Variants in GALNT3 observed in about 807,000 individuals in gnomAD.
GALNT3 encodes polypeptide N-acetylgalactosaminyltransferase 3, also known as GalNAc transferase 3.
Under a neutral mutation model 69.8 loss-of-function variants are expected in GALNT3, and 51 were observed. The observed-to-expected ratio is 0.73, with a 90% confidence interval of 0.58 to 0.92. The LOEUF (loss-of-function observed/expected upper bound fraction) is 0.92. Among genes scored for constraint, GALNT3 ranks in the 40% least tolerant of loss-of-function variants. The pLI, the probability that GALNT3 is intolerant of heterozygous loss-of-function variation, is 0.00. For missense variants in GALNT3, 711 were observed against 760.0 expected (o/e 0.94, Z 0.76); for synonymous variants, 265 against 248.5 (o/e 1.07, Z -0.63).
intron 1 of GALNT3, among the ~76,000 whole-genome samples, chr2:165,788,505 G>A (rs1193454177): frequency 1.4e-5 from 2 of 147,802 alleles, no homozygotes; most frequent in African/African-American, 5.0e-5. Context: ...GTGTGTGTGT[G>A]TATACAGACA....
At chr2:165,765,591 G>GC (rs1486963156) in intron 2 of GALNT3, among the ~76,000 whole-genome samples, 18 of 151,736 alleles carry the variant, frequency 1.2e-4, no homozygotes, top group African/African-American at 3.9e-4. Flanking sequence ...CCAGGTTCAC[G>GC]CATTTCTCCT....
At chr2:165,761,073 G>A (rs11904090) in intron 4 of GALNT3, among the ~76,000 whole-genome samples, 3,524 of 150,378 alleles carry the variant, frequency 0.023, 92 homozygotes, top group African/African-American at 0.07. Context: ...GGTTTTTATT[G>A]AAAATTCGCA....
At position 165,754,714 on chromosome 2, in the gene GALNT3, A is replaced by C. The variant is rs1387249739; in HGVS notation, c.1539T>G (p.Gly513=). Residue 513 remains glycine (G), a synonymous_variant, in exon 9 of 11, where the codon GGT becomes GGG. Coordinates refer to ENST00000392701, the MANE Select transcript of GALNT3 (RefSeq NM_004482.4). ...PVISGYIKSV[G]QPLCLDVGEN... is the part of the protein sequence containing the mutation. ...CTCCAACATCCAGACATAGAGGCTG[A>C]CCAACGCTTTTAATCTAAAGGAAAA... 1 of 1,612,300 alleles carries C rather than the reference A, an allele frequency of 6.2e-7. No individual in the cohort carries two copies. Among genetic ancestry groups the C allele is most frequent in the East Asian group, 2.2e-5 (1 of 44,810 alleles).
At chr2:165,774,683 T>A (rs1688813503) in intron 1 of GALNT3, among the ~76,000 whole-genome samples, 1 of 152,084 alleles carries the variant, frequency 6.6e-6, no homozygotes, top group Non-Finnish European at 1.5e-5. Flanking sequence ...ATCTTATTCA[T>A]GGCTGTTTTT....
At chr2:165,768,137 G>A (rs751289688) in intron 2 of GALNT3, among the ~76,000 whole-genome samples, 3 of 151,964 alleles carry the variant, frequency 2.0e-5, no homozygotes, top group African/African-American at 7.2e-5. Context: ...AGGCCAAGGC[G>A]GGCAGATCAC....
rs1688292607 is a variant in GALNT3, at chr2:165,748,133, A to C, written c.*648T>G. 1 of 185,912 alleles carries C rather than the reference A, an allele frequency of 5.4e-6. No individual in the cohort carries two copies. The allele number at this position is 185,912 out of a possible 1,614,324, so 11.5% of individuals were successfully genotyped here. A position where few individuals can be genotyped will look rare whatever the true frequency, so the allele number is the denominator to read the frequency against. The stretch of plus-strand genomic sequence containing the variant: ...AAGAAAAGTCATTTAAGGAAGACTT[A>C]AGTGCTTCAAGTGGAGTGTATTACA... On this transcript the variant is annotated 3_prime_UTR_variant, in exon 11 of 11. Coordinates refer to ENST00000392701, the MANE Select transcript of GALNT3 (RefSeq NM_004482.4).
In GALNT3 at chr2:165,770,527, G is replaced by A. The variant is rs1326784079; in HGVS notation, c.174C>T (p.Asn58=). 1.9e-6 allele frequency: 3 copies of A among 1,613,830 alleles called. No homozygotes were observed. Among genetic ancestry groups the A allele is most frequent in the Admixed American group, 1.7e-5 (1 of 59,972 alleles). Residue 58 remains asparagine (N), a synonymous_variant, in exon 2 of 11, where the codon AAC becomes AAT. Coordinates refer to ENST00000392701, the MANE Select transcript of GALNT3 (RefSeq NM_004482.4). ...EESRMERNMK[N]KNKMLDLMLE... is the part of the protein sequence containing the mutation. ...GCATTAAATCCAACATCTTGTTTTT[G>A]TTTTTCATGTTCCTTTCCATCCTTG...
At chr2:165,789,153 G>T (rs187118371) in intron 1 of GALNT3, among the ~76,000 whole-genome samples, 3 of 152,260 alleles carry the variant, frequency 2.0e-5, no homozygotes, top group Non-Finnish European at 2.9e-5. Flanking sequence ...ACCTTAGACT[G>T]GGTAATTTAA....
At chr2:165,775,047 G>A (rs1052457202) in intron 1 of GALNT3, among the ~76,000 whole-genome samples, 2 of 150,990 alleles carry the variant, frequency 1.3e-5, no homozygotes, top group Middle Eastern at 3.2e-3. Context: ...GAGCTACTGC[G>A]CCTAGCCTTT....
intron 9 of GALNT3, among the ~76,000 whole-genome samples, chr2:165,751,322 G>A (rs1026428068): frequency 2.0e-5 from 3 of 152,008 alleles, no homozygotes; most frequent in Non-Finnish European, 2.9e-5. Flanking sequence ...CATATATCTT[G>A]AGTTTCCCTA....
intron 9 of GALNT3, among the ~76,000 whole-genome samples, chr2:165,751,797 T>C (rs1573994694): frequency 6.6e-6 from 1 of 152,280 alleles, no homozygotes; most frequent in South Asian, 2.1e-4. Flanking sequence ...AAAAATATTA[T>C]CTGATCAAAA....
intron 2 of GALNT3, among the ~76,000 whole-genome samples, chr2:165,765,779 C>T (rs190139308): frequency 3.3e-5 from 5 of 152,186 alleles, no homozygotes; most frequent in South Asian, 4.2e-4. Context: ...TGTGCCACTG[C>T]GCCCACAATA....
rs763561688 is a variant in GALNT3 at position 165,770,689 on chromosome 2, T to A, written c.12A>T (p.Leu4=). The part of the protein sequence containing the change: MAH[L]KRLVKLHIKR... ...TAATGTGTAATTTTACTAGTCGCTT[T>A]AGGTGAGCCATTCTGACATTAAAAG... The change falls in exon 2 of 11, where the codon CTA becomes CTT. Residue 4 remains leucine (L), a synonymous_variant. Coordinates refer to ENST00000392701, the MANE Select transcript of GALNT3 (RefSeq NM_004482.4). The A allele has an allele frequency of 1.2e-6, 2 of 1,603,834 alleles. No homozygotes were observed. The highest frequency in any genetic ancestry group is 2.2e-5 in the South Asian group (2 of 90,384).
rs547135025 is a variant in GALNT3, at chr2:165,751,427, C to A, written c.1627-1533G>T. Among the ~76,000 whole-genome samples, 3 of 152,042 alleles carry A rather than the reference C, an allele frequency of 2.0e-5. No homozygotes were observed. The East Asian group carries it at 5.8e-4, about 29-fold the overall frequency. On this transcript the variant is annotated intron_variant, in intron 9 of 10. Transcript: ENST00000392701. ...CTTCAGATGGAAACACAGGAAGAAA[C>A]TGAGTTTAGATGATGAAAATAGCAT... is the stretch of plus-strand genomic sequence containing the variant.
chr2:165,772,234 T>C lies in GALNT3; in HGVS notation c.-108-1426A>G, dbSNP rs183296233. 7.0e-4 allele frequency among the ~76,000 whole-genome samples: 107 copies of C among 152,158 alleles called. 2 individuals carry two copies. Among genetic ancestry groups the C allele is most frequent in the Admixed American group, 4.7e-3 (71 of 15,266 alleles). ...ACCTTCAAGAAGCAGAATTGAAATA[T>C]AGGAAGCCAGAGGACAGTCACAAAG... On this transcript the variant is annotated intron_variant, in intron 1 of 10. Coordinates refer to ENST00000392701, the MANE Select transcript of GALNT3 (RefSeq NM_004482.4).
chr2:165,771,774 T>C (rs910020523), intron 1 of GALNT3: 2 of 152,218 alleles, frequency 1.3e-5, no homozygotes, highest in Admixed American at 6.5e-5. Context: ...ATATCATTTA[T>C]AGCAATGAAA....
At position 165,747,940 on chromosome 2, in the gene GALNT3, T is replaced by C. The variant is rs1169542374; in HGVS notation, c.*841A>G. 1.1e-5 allele frequency: 2 copies of C among 175,124 alleles called. No homozygotes were observed. The highest frequency in any genetic ancestry group is 4.7e-5 in the African/African-American group (2 of 42,222). 10.8% of individuals were successfully genotyped at this position (175,124 alleles called of 1,614,324 possible). On this transcript the variant is annotated 3_prime_UTR_variant, in exon 11 of 11. Transcript: ENST00000392701. ...ATCAGTAACAAAATTTAGCTTTAAA[T>C]GAGTCAAGTATTCTGCATTTGAAAT...
At position 165,789,318 on chromosome 2, in the gene GALNT3, C is replaced by T. The variant is rs527272536; in HGVS notation, c.-109+4697G>A. On this transcript the variant is annotated intron_variant, in intron 1 of 10. Coordinates refer to ENST00000392701, the MANE Select transcript of GALNT3 (RefSeq NM_004482.4). Reference sequence around the variant, plus strand: ...CAAAAGGCTAACAAGCTTTCTCAGTCCTCTTTTATAAGGACATTATCTTTT... The same window carrying T: ...CAAAAGGCTAACAAGCTTTCTCAGTTCTCTTTTATAAGGACATTATCTTTT... Among the ~76,000 whole-genome samples the T allele has an allele frequency of 3.9e-5, 6 of 152,272 alleles. No individual in the cohort carries two copies. The South Asian group carries it at 1.2e-3, about 32-fold the overall frequency.
Position 165,761,975 on chromosome 2 carries a change from A to T in GALNT3, c.768T>A (p.Gly256=). 6.2e-7 allele frequency: 1 copy of T among 1,613,560 alleles called. No homozygotes were observed. Among genetic ancestry groups the T allele is most frequent in the Non-Finnish European group, 8.5e-7 (1 of 1,179,594 alleles). Residue 256 remains glycine, a synonymous_variant, in exon 4 of 11, where the codon GGT becomes GGA. Coordinates refer to ENST00000392701, the MANE Select transcript of GALNT3 (RefSeq NM_004482.4). ...CTCCTAGCAACCGAGCAGTGATCAG[A>T]CCTTTTCTTTCTCTTTGTCTGACTA... ...VKIVRQRERK[G]LITARLLGAT...
Sources: gnomAD v4.1 joint callset for allele counts (sites outside exome capture counted in the v4.1 genomes callset) on GRCh38, gnomAD v4.1.1 for gene constraint, MANE v1.5 for transcripts, NCBI Gene and HGNC (gene_info 2026-07-23, HGNC 2026-07-21) for gene names.